Variants in GRID2 observed in about 807,000 individuals in gnomAD.
GRID2 encodes the protein glutamate receptor ionotropic, delta-2.
GRID2 carries 33 observed loss-of-function variants against 114.8 expected under a neutral mutation model. The ratio of observed to expected loss-of-function variants is 0.29; its 90% CI spans 0.22 to 0.38. The LOEUF (loss-of-function observed/expected upper bound fraction) is 0.38, where lower values mean the gene tolerates loss of function less well. Among genes scored for constraint, GRID2 ranks in the 10% least tolerant of loss-of-function variants. GRID2 has a pLI of 1.00. For synonymous variants in GRID2, 505 were observed against 449.9 expected (o/e 1.12, Z -1.55); for missense variants, 1,184 against 1,257.7 (o/e 0.94, Z 0.89).
intron 2 of GRID2, among the ~76,000 whole-genome samples, chr4:92,713,497 A>G (rs1215720991): frequency 7.8e-6 from 1 of 128,168 alleles, no homozygotes; most frequent in African/African-American, 2.9e-5. Flanking sequence ...ATATATATAT[A>G]TATATATATA....
intron 13 of GRID2, among the ~76,000 whole-genome samples, chr4:93,526,069 G>T (rs1578190343): frequency 2.0e-5 from 3 of 152,088 alleles, no homozygotes; most frequent in African/African-American, 7.2e-5. Flanking sequence ...ATACCATTTG[G>T]CTCTGTGTTC....
chr4:93,180,669 TA>T (rs1297216718), intron 4 of GRID2, among the ~76,000 whole-genome samples: 2 of 152,158 alleles, frequency 1.3e-5, no homozygotes, highest in African/African-American at 4.8e-5. Context: ...TATTCTAAAT[TA>T]TTTTTTGTCA....
At chr4:92,638,642 A>G (rs930129398) in intron 2 of GRID2, among the ~76,000 whole-genome samples, 2 of 150,262 alleles carry the variant, frequency 1.3e-5, no homozygotes, top group African/African-American at 4.9e-5. Flanking sequence ...GGGAAATAAG[A>G]GTGAAAGATA....
chr4:93,147,287 A>C (rs1339804747), intron 4 of GRID2, among the ~76,000 whole-genome samples: 1 of 152,178 alleles, frequency 6.6e-6, no homozygotes, highest in Non-Finnish European at 1.5e-5. Context: ...GCAGGGAAAA[A>C]AATCAACAAG....
chr4:93,335,393 T>G (rs938231378), intron 8 of GRID2, among the ~76,000 whole-genome samples: 1 of 152,132 alleles, frequency 6.6e-6, no homozygotes, highest in Non-Finnish European at 1.5e-5. Context: ...GCACCCTTGA[T>G]TACACACACC....
chr4:93,736,198 T>A (rs990411657), intron 14 of GRID2, among the ~76,000 whole-genome samples: 2 of 151,844 alleles, frequency 1.3e-5, no homozygotes, highest in Non-Finnish European at 2.9e-5. Context: ...ATGATGATGA[T>A]TAGCACACAA....
intron 14 of GRID2, among the ~76,000 whole-genome samples, chr4:93,634,118 T>C (rs1721196810): frequency 6.6e-6 from 1 of 152,128 alleles, no homozygotes; most frequent in African/African-American, 2.4e-5. Flanking sequence ...TTTGTAAACA[T>C]TAAGCAATAT....
intron 2 of GRID2, among the ~76,000 whole-genome samples, chr4:92,760,263 A>G (rs1737936270): frequency 6.7e-6 from 1 of 149,712 alleles, no homozygotes; most frequent in Non-Finnish European, 1.5e-5. Context: ...AAAAAAAAAG[A>G]AAAGAAATAT....
intron 1 of GRID2, among the ~76,000 whole-genome samples, chr4:92,371,851 C>G (rs1729131255): frequency 6.6e-6 from 1 of 152,080 alleles, no homozygotes. Context: ...TGAAAACCTT[C>G]TGGAAAGGAT....
chr4:92,875,176 T>TTTTC (rs1491137154), intron 2 of GRID2, among the ~76,000 whole-genome samples: 1 of 115,778 alleles, frequency 8.6e-6, no homozygotes. Context: ...TTTTTTTTTT[T>TTTTC]CCCGAGACGG....
At chr4:93,728,360 A>T (rs1291361721) in intron 14 of GRID2, among the ~76,000 whole-genome samples, 2 of 152,108 alleles carry the variant, frequency 1.3e-5, no homozygotes, top group African/African-American at 4.8e-5. Context: ...ACAGTTTGTT[A>T]TAATTTCTGT....
intron 1 of GRID2, among the ~76,000 whole-genome samples, chr4:92,547,557 C>G (rs561649241): frequency 1.7e-4 from 26 of 151,988 alleles, no homozygotes; most frequent in African/African-American, 5.5e-4. Flanking sequence ...TATATACATA[C>G]AAAATGACAA....
chr4:93,623,512 T>A (rs1402696941), intron 13 of GRID2, among the ~76,000 whole-genome samples: 2 of 152,222 alleles, frequency 1.3e-5, no homozygotes, highest in Admixed American at 6.5e-5. Flanking sequence ...TATAAACCAT[T>A]CTACTGTAAA....
intron 14 of GRID2, among the ~76,000 whole-genome samples, chr4:93,745,555 T>C (rs1731773372): frequency 2.0e-5 from 3 of 152,202 alleles, no homozygotes; most frequent in African/African-American, 7.2e-5. Flanking sequence ...TTAATCCTAA[T>C]AGCAGATACT....
chr4:93,328,148 A>C (rs1240231429), intron 8 of GRID2, among the ~76,000 whole-genome samples: 1 of 152,108 alleles, frequency 6.6e-6, no homozygotes, highest in Non-Finnish European at 1.5e-5. Flanking sequence ...AACAAAAAAC[A>C]TGTCCTTTAG....
chr4:92,740,678 T>C (rs927648272), intron 2 of GRID2, among the ~76,000 whole-genome samples: 1 of 79,588 alleles, frequency 1.3e-5, no homozygotes, highest in African/African-American at 4.1e-5. Flanking sequence ...TCTGCATAGA[T>C]AGATAGATAG....
chr4:92,938,813 T>C (rs1386764230), intron 2 of GRID2, among the ~76,000 whole-genome samples: 3 of 141,676 alleles, frequency 2.1e-5, no homozygotes, highest in South Asian at 2.5e-4. Context: ...GACCATGCAG[T>C]GTTTGGTTTT....
chr4:92,712,183 A>G (rs1241447534), intron 2 of GRID2, among the ~76,000 whole-genome samples: 2 of 152,180 alleles, frequency 1.3e-5, no homozygotes, highest in East Asian at 1.9e-4. Context: ...TCTTTTAAAT[A>G]TGCTAAAAAA....
Position 93,334,861 on chromosome 4 carries a change from G to A in GRID2, c.1246-60746G>A, listed in dbSNP as rs181715187. ...CAGGAGAATCGCTTGAACCCGGGAGGCAGAGGTTGCGGTGAGCTGAGATCA... is the reference window on the plus strand; with the variant it reads ...CAGGAGAATCGCTTGAACCCGGGAGACAGAGGTTGCGGTGAGCTGAGATCA... On this transcript the variant is annotated intron_variant, in intron 8 of 15. Transcript: ENST00000282020. Among the ~76,000 whole-genome samples, 120 of 152,166 alleles carry A rather than the reference G, an allele frequency of 7.9e-4. 3 individuals are homozygous for A. In the East Asian group the frequency reaches 0.018, roughly 23 times the overall value.
Sources: allele counts gnomAD v4.1 joint callset (sites outside exome capture counted in the v4.1 genomes callset), GRCh38; gene constraint gnomAD v4.1.1; transcripts MANE v1.5; gene names NCBI Gene and HGNC (gene_info 2026-07-23, HGNC 2026-07-21).